Variants in CDC7 observed in about 807,000 individuals in gnomAD.
CDC7 encodes cell division cycle 7-related protein kinase.
In CDC7, 34 loss-of-function variants were observed where a neutral mutation model predicts 53.5. The observed-to-expected ratio is 0.64, with a 90% CI of 0.48 to 0.85. CDC7 has a LOEUF of 0.85. Among genes scored for constraint, CDC7 ranks in the 40% least tolerant of loss-of-function variants. The probability of loss-of-function intolerance (pLI) is 0.00; values close to 1 mark genes in which losing one functional copy is unlikely to be tolerated. For missense variants in CDC7, 594 were observed against 679.7 expected, an observed-to-expected ratio of 0.87 and a Z score of 1.40; for synonymous variants, 211 against 222.8, an observed-to-expected ratio of 0.95 and a Z score of 0.47.
At chr1:91,501,937 TGTATG>T in intron 2 of CDC7, 106 bp downstream of exon 2, 1 of 837,032 alleles carries the variant, frequency 1.2e-6, no homozygotes, top group Non-Finnish European at 1.9e-6. Flanking sequence ...TAAAGTGAAT[TGTATG>T]TTTCTATAGG....
intron 10 of CDC7, among the ~76,000 whole-genome samples, chr1:91,518,093 C>CAAAAAAAAAAAAAAAAAAA (rs55787737): frequency 2.2e-5 from 1 of 46,028 alleles, no homozygotes; most frequent in African/African-American, 8.9e-5. Flanking sequence ...GACTCAGTCT[C>CAAAAAAAAAAAAAAAAAAA]AAAAAAAAAA....
chr1:91,514,140 T>G, intron 8 of CDC7, 97 bp downstream of exon 8: 1 of 732,964 alleles, frequency 1.4e-6, no homozygotes, highest in Non-Finnish European at 2.1e-6. Context: ...AGAAATTTTT[T>G]TAAACTAGAG....
rs768093153 is a variant in CDC7 at position 91,511,937 on chromosome 1, G to A, written c.572+14G>A. ...GCGCCTGAAAAAGTAAGTATGAAGA[G>A]TTACTAGAAAATATTTATCCTATTT... On this transcript the variant is annotated intron_variant, in intron 6 of 11. Coordinates refer to ENST00000234626, the MANE Select transcript of CDC7 (RefSeq NM_003503.4). 1.3e-6 allele frequency: 2 copies of A among 1,539,164 alleles called. No individual in the cohort carries two copies. Among genetic ancestry groups the A allele is most frequent in the Non-Finnish European group, 8.9e-7 (1 of 1,129,928 alleles).
At position 91,501,642 on chromosome 1, in the gene CDC7, T is replaced by C. The variant is rs573801534; in HGVS notation, c.-63-12T>C. ...AGTGATCTAAATTTCTCTAGTGTTC[T>C]AATTTTCACAGCTGCTTTGCTCCCC... On this transcript the variant is annotated splice_polypyrimidine_tract_variant and intron_variant, in intron 1 of 11. Transcript: ENST00000234626. 9.5e-6 allele frequency: 10 copies of C among 1,051,930 alleles called. No homozygotes were observed. The East Asian group carries it at 1.7e-4, about 17-fold the overall frequency. The allele number at this position is 1,051,930 out of a possible 1,614,324, so 65.2% of individuals were successfully genotyped here.
Position 91,504,741 on chromosome 1 carries a change from G to A in CDC7, c.115+2910G>A, listed in dbSNP as rs560717766. On this transcript the variant is annotated intron_variant, in intron 2 of 11. Transcript: ENST00000234626. ...TATGTATTATCCCCTAGTTCCAGGA[G>A]GTATAAACCAGAGAGTACATGAAGC... Among the ~76,000 whole-genome samples the A allele has an allele frequency of 2.0e-5, 3 of 152,250 alleles. No individual in the cohort carries two copies. In the South Asian group the frequency reaches 6.2e-4, roughly 32 times the overall value.
chr1:91,514,972 A>T lies in CDC7; in HGVS notation c.1072A>T (p.Lys358Ter), dbSNP rs781431772. 6.2e-7 allele frequency: 1 copy of T among 1,612,026 alleles called. No homozygotes were observed. Among genetic ancestry groups the T allele is most frequent in the Admixed American group, 1.7e-5 (1 of 59,406 alleles). The change falls in exon 9 of 12, where the codon AAA becomes TAA. Residue 358 changes from lysine (K) to a stop codon, truncating the protein, a stop_gained. Coordinates refer to ENST00000234626, the MANE Select transcript of CDC7 (RefSeq NM_003503.4). LOFTEE classifies it high-confidence loss of function. ...GACCTGTGACTGCTATGCAACAGATAAAGTTTGTAGTATTTGCCTTTCAAG... is the reference window on the plus strand; with the variant it reads ...GACCTGTGACTGCTATGCAACAGATTAAGTTTGTAGTATTTGCCTTTCAAG... ...SLTCDCYATD[K>*]VCSICLSRRQ... is the part of the protein sequence containing the mutation.
In CDC7 at chr1:91,501,627, A is replaced by G. The variant is rs920412977; in HGVS notation, c.-63-27A>G. 6 of 921,534 alleles carry G rather than the reference A, an allele frequency of 6.5e-6. No homozygotes were observed. The African/African-American group carries it at 1.0e-4, about 15-fold the overall frequency. 57.1% of individuals were successfully genotyped at this position (921,534 alleles called of 1,614,324 possible). A position where few individuals can be genotyped will look rare whatever the true frequency, so the allele number is the denominator to read the frequency against. ...GTGCGTGGTTTAGCGAGTGATCTAA[A>G]TTTCTCTAGTGTTCTAATTTTCACA... is the stretch of plus-strand genomic sequence containing the variant. On this transcript the variant is annotated intron_variant, in intron 1 of 11. Transcript: ENST00000234626.
intron 10 of CDC7, among the ~76,000 whole-genome samples, chr1:91,519,060 C>T (rs1381418900): frequency 1.6e-5 from 2 of 127,574 alleles, no homozygotes; most frequent in African/African-American, 6.5e-5. Flanking sequence ...GACCCCATCT[C>T]GAAAAAAAAA....
intron 2 of CDC7, among the ~76,000 whole-genome samples, chr1:91,505,851 CATA>C (rs2102331236): frequency 6.6e-6 from 1 of 152,274 alleles, no homozygotes; most frequent in South Asian, 2.1e-4. Flanking sequence ...GGAGTAGATG[CATA>C]ATAAGTGAGT....
chr1:91,501,488 A>G, intron 1 of CDC7, 166 bp from the exon 2 acceptor site: 1 of 454,738 alleles, frequency 2.2e-6, no homozygotes, highest in Non-Finnish European at 3.9e-6. Context: ...GATAGGTGAA[A>G]ATAAAGCACA....
In CDC7 at chr1:91,513,365, C is replaced by CCAA. The variant is rs1667389120; in HGVS notation, c.822+61_822+63dup. On this transcript the variant is annotated intron_variant, in intron 7 of 11. Coordinates refer to ENST00000234626, the MANE Select transcript of CDC7 (RefSeq NM_003503.4). ...CTGTTTTAGAAATATACTCCTTCAA[C>CCAA]CAACAGAGGGAGATAGAATACTAGG... The CCAA allele has an allele frequency of 3.3e-6, 5 of 1,497,288 alleles. No homozygotes were observed. The Admixed American group carries it at 9.1e-5, about 27-fold the overall frequency. 92.8% of individuals were successfully genotyped at this position (1,497,288 alleles called of 1,614,324 possible).
At chr1:91,523,903 TG>T in intron 11 of CDC7, 137 bp from the exon 12 acceptor site, 1 of 470,736 alleles carries the variant, frequency 2.1e-6, no homozygotes, top group Non-Finnish European at 3.7e-6. Context: ...ACTGTGTGTG[TG>T]TGTGTGTGTG....
chr1:91,513,012 C>T, intron 6 of CDC7, 46 bp from the exon 7 acceptor site: 1 of 1,561,368 alleles, frequency 6.4e-7, no homozygotes, highest in East Asian at 2.2e-5. Context: ...TGTTACTAAG[C>T]TTTAATTGCT....
At chr1:91,505,372 C>G (rs1302397780) in intron 2 of CDC7, among the ~76,000 whole-genome samples, 2 of 152,114 alleles carry the variant, frequency 1.3e-5, no homozygotes, top group African/African-American at 4.8e-5. Context: ...GGTGACTTAG[C>G]TTTATCAGAA....
At chr1:91,519,661 G>A (rs1667816857) in intron 10 of CDC7, among the ~76,000 whole-genome samples, 1 of 152,154 alleles carries the variant, frequency 6.6e-6, no homozygotes, top group South Asian at 2.1e-4. Context: ...TATAGCAGTA[G>A]TTGGTGCTAG....
intron 9 of CDC7, among the ~76,000 whole-genome samples, chr1:91,515,339 G>C (rs1667503392): frequency 6.6e-6 from 1 of 152,074 alleles, no homozygotes; most frequent in African/African-American, 2.4e-5. Context: ...GAACCAAATA[G>C]TAGAGCTCCT....
intron 4 of CDC7, among the ~76,000 whole-genome samples, chr1:91,510,836 C>T (rs1430531710): frequency 6.6e-6 from 1 of 152,140 alleles, no homozygotes; most frequent in Non-Finnish European, 1.5e-5. Flanking sequence ...TAAAAGCCTT[C>T]CCTCAGTTGT....
intron 10 of CDC7, among the ~76,000 whole-genome samples, chr1:91,518,093 CAA>C (rs55787737): frequency 2.2e-4 from 10 of 46,026 alleles, no homozygotes; most frequent in African/African-American, 4.4e-4. Flanking sequence ...GACTCAGTCT[CAA>C]AAAAAAAAAA....
rs549504706 is a variant in CDC7 at position 91,513,401 on chromosome 1, T to A, written c.822+94T>A. The A allele has an allele frequency of 7.4e-5, 87 of 1,182,018 alleles. 1 individual carries two copies. The Admixed American group carries it at 7.8e-4, about 11-fold the overall frequency. The allele number at this position is 1,182,018 out of a possible 1,614,324, so 73.2% of individuals were successfully genotyped here. Reference sequence around the variant, plus strand: ...AGATAGAATACTAGGATAGTACTTATAATTTAAAAAACTTTTTTTTGCATT... The same window carrying A: ...AGATAGAATACTAGGATAGTACTTAAAATTTAAAAAACTTTTTTTTGCATT... On this transcript the variant is annotated intron_variant, in intron 7 of 11. Coordinates refer to ENST00000234626, the MANE Select transcript of CDC7 (RefSeq NM_003503.4).
Sources: allele counts gnomAD v4.1 joint callset (sites outside exome capture counted in the v4.1 genomes callset), GRCh38; gene constraint gnomAD v4.1.1; transcripts MANE v1.5; gene names NCBI Gene and HGNC (gene_info 2026-07-23, HGNC 2026-07-21).